The following NDST3 variants were observed in gnomAD, a reference collection of about 807,000 sequenced individuals.
NDST3 encodes the protein N-deacetylase and N-sulfotransferase 3.
NDST3 carries 58 observed loss-of-function variants against 96.1 expected under a neutral mutation model. That is an observed-to-expected ratio of 0.60 (90% CI 0.49 to 0.75). NDST3 has a LOEUF of 0.75. Among genes scored for constraint, NDST3 ranks in the 30% least tolerant of loss-of-function variants. NDST3 has a pLI of 0.00. For synonymous variants in NDST3, 333 were observed against 359.7 expected (o/e 0.93, Z 0.84); for missense variants, 788 against 1,034.2 (o/e 0.76, Z 3.27).
At chr4:118,061,605 A>T (rs1345134932) in intron 2 of NDST3, among the ~76,000 whole-genome samples, 3 of 152,158 alleles carry the variant, frequency 2.0e-5, no homozygotes, top group African/African-American at 7.2e-5. Context: ...GTGCAAAAAT[A>T]ATTGTGGTTT....
rs779122741 is a variant in NDST3, at chr4:118,054,974, G to A, written c.981+83G>A. On this transcript the variant is annotated intron_variant, in intron 2 of 13. Transcript: ENST00000296499. ...CTATCCCAGTTTGTACTACAACTGG[G>A]TTACCCAGGACATGGGATTTACTGG... is the stretch of plus-strand genomic sequence containing the variant. 16 of 1,556,502 alleles carry A rather than the reference G, an allele frequency of 1.0e-5. No homozygotes were observed. In the East Asian group the frequency reaches 3.4e-4, roughly 33 times the overall value.
At chr4:118,249,731 TACACACAC>T (rs60479821) in intron 12 of NDST3, among the ~76,000 whole-genome samples, 5 of 145,496 alleles carry the variant, frequency 3.4e-5, no homozygotes, top group African/African-American at 1.0e-4. Flanking sequence ...CAGCCCCACA[TACACACAC>T]ACACACACAC....
intron 6 of NDST3, among the ~76,000 whole-genome samples, chr4:118,145,264 T>G (rs1300354768): frequency 5.3e-5 from 8 of 152,216 alleles, no homozygotes; most frequent in African/African-American, 1.9e-4. Context: ...GTTAAAACAC[T>G]CTTAAAATGC....
chr4:118,095,447 T>C (rs1250242464), intron 2 of NDST3, among the ~76,000 whole-genome samples: 5 of 151,834 alleles, frequency 3.3e-5, no homozygotes, highest in Non-Finnish European at 7.4e-5. Context: ...GTAAAGAGCA[T>C]AGGACATGTA....
intron 6 of NDST3, among the ~76,000 whole-genome samples, chr4:118,144,183 C>T (rs1490002012): frequency 2.0e-5 from 3 of 151,054 alleles, no homozygotes; most frequent in Non-Finnish European, 4.4e-5. Context: ...ATTTAATGGG[C>T]TACTTTTTTT....
chr4:118,085,403 T>C (rs1471088048), intron 2 of NDST3, among the ~76,000 whole-genome samples: 17 of 152,258 alleles, frequency 1.1e-4, no homozygotes, highest in Non-Finnish European at 1.3e-4. Flanking sequence ...TTTATACAGA[T>C]ATTAAGAGAA....
At chr4:118,193,877 T>C in intron 6 of NDST3, 1 of 1,080,820 alleles carries the variant, frequency 9.3e-7, no homozygotes, top group Non-Finnish European at 1.4e-6. Context: ...ACTAGACTCA[T>C]ATTCTACCCA....
intron 6 of NDST3, among the ~76,000 whole-genome samples, chr4:118,173,411 T>A (rs1396659109): frequency 6.6e-6 from 1 of 152,134 alleles, no homozygotes; most frequent in Non-Finnish European, 1.5e-5. Flanking sequence ...TTGGTCACAC[T>A]TCTTAGTCTG....
intron 6 of NDST3, among the ~76,000 whole-genome samples, chr4:118,223,421 T>G (rs527299668): frequency 2.6e-5 from 4 of 152,064 alleles, no homozygotes; most frequent in Non-Finnish European, 5.9e-5. Context: ...ACAGCTATTT[T>G]AAATCACTCA....
rs748178942 is a variant in NDST3 at position 118,054,693 on chromosome 4, G to C, written c.783G>C (p.Leu261=). 2 of 1,613,296 alleles carry C rather than the reference G, an allele frequency of 1.2e-6. No individual in the cohort carries two copies. The highest frequency in any genetic ancestry group is 2.2e-5 in the South Asian group (2 of 91,064). The change falls in exon 2 of 14, where the codon CTG becomes CTC. Residue 261 remains leucine, a synonymous_variant. Coordinates refer to ENST00000296499, the MANE Select transcript of NDST3 (RefSeq NM_004784.3). The part of the protein sequence containing the change: ...GAFYATIIHD[L]GLHDGIQRVL... ...TTTATGCCACTATTATACATGACCT[G>C]GGGCTTCATGATGGAATTCAAAGGG...
Position 118,256,766 on chromosome 4 carries a change from T to A in NDST3, c.*1054T>A, listed in dbSNP as rs1322441229. ...GTGGTTAGGCTATTTACATTTAGGT[T>A]ATTAAAAAATTGCATTTTCCCAGAT... On this transcript the variant is annotated 3_prime_UTR_variant, in exon 14 of 14. Coordinates refer to ENST00000296499, the MANE Select transcript of NDST3 (RefSeq NM_004784.3). The A allele has an allele frequency of 1.3e-5, 2 of 152,232 alleles. No homozygotes were observed. The highest frequency in any genetic ancestry group is 2.4e-5 in the African/African-American group (1 of 41,466). 9.4% of individuals were successfully genotyped at this position (152,232 alleles called of 1,614,324 possible). A position where few individuals can be genotyped will look rare whatever the true frequency, so the allele number is the denominator to read the frequency against.
chr4:118,237,611 T>C (rs72917198), intron 10 of NDST3, among the ~76,000 whole-genome samples: 1,824 of 152,296 alleles, frequency 0.012, 34 homozygotes, highest in African/African-American at 0.042. Context: ...AGTTCAGACA[T>C]TGAGGTTTAT....
At chr4:118,185,647 T>C (rs1164370820) in intron 6 of NDST3, among the ~76,000 whole-genome samples, 1 of 152,110 alleles carries the variant, frequency 6.6e-6, no homozygotes, top group Non-Finnish European at 1.5e-5. Flanking sequence ...TGAAGATTTA[T>C]GGACAGAAAA....
rs1286809097 is a variant in NDST3, at chr4:118,178,442, T to C, written c.1539+34758T>C. On this transcript the variant is annotated intron_variant, in intron 6 of 13. Transcript: ENST00000296499. Reference sequence around the variant, plus strand: ...GTGGAACCAAACAGTATTTTTCTTATTGTTACTGGCTTATTTCACTTAGCA... The same window carrying C: ...GTGGAACCAAACAGTATTTTTCTTACTGTTACTGGCTTATTTCACTTAGCA... 3.3e-5 allele frequency among the ~76,000 whole-genome samples: 5 copies of C among 152,196 alleles called. No homozygotes were observed. The East Asian group carries it at 7.7e-4, about 23-fold the overall frequency.
chr4:118,101,317 C>G (rs1335173871), intron 2 of NDST3, among the ~76,000 whole-genome samples: 2 of 147,726 alleles, frequency 1.4e-5, no homozygotes, highest in Non-Finnish European at 3.0e-5. Context: ...TTGTCTTCAA[C>G]TAGATATTTT....
In NDST3 at chr4:118,257,955, T is replaced by C. The variant is rs1192051413; in HGVS notation, c.*2243T>C. On this transcript the variant is annotated 3_prime_UTR_variant, in exon 14 of 14. Transcript: ENST00000296499. ...ACATGAGAATAGGCCTCAGCAGTTA[T>C]ATACAGTGTCATGTTTTCATTTGGC... 2 of 152,212 alleles carry C rather than the reference T, an allele frequency of 1.3e-5. No individual in the cohort carries two copies. Among genetic ancestry groups the C allele is most frequent in the Non-Finnish European group, 2.9e-5 (2 of 68,036 alleles). 9.4% of individuals were successfully genotyped at this position (152,212 alleles called of 1,614,324 possible). A position where few individuals can be genotyped will look rare whatever the true frequency, so the allele number is the denominator to read the frequency against.
Position 118,253,592 on chromosome 4 carries a change from G to A in NDST3, c.2493G>A (p.Met831Ile). ...GKSKGRKYPP[M>I]DSDSRTFLSS... ...GCAAAGGAAGAAAATACCCTCCAAT[G>A]GATTCTGATGTAAGCATAGACCTTA... The change falls in exon 13 of 14, where the codon ATG becomes ATA. Residue 831 changes from methionine to isoleucine, a missense_variant. Physicochemically the swap from Met to Ile is conservative, Grantham distance 10. This residue lies in a region of NDST3 where 64 missense variants were observed against 68.5 expected (regional missense o/e 0.93). Coordinates refer to ENST00000296499, the MANE Select transcript of NDST3 (RefSeq NM_004784.3). 6.2e-7 allele frequency: 1 copy of A among 1,605,358 alleles called. No individual in the cohort carries two copies. Among genetic ancestry groups the A allele is most frequent in the Non-Finnish European group, 8.5e-7 (1 of 1,173,310 alleles).
chr4:118,061,813 A>G (rs762675253), intron 2 of NDST3, among the ~76,000 whole-genome samples: 1 of 152,228 alleles, frequency 6.6e-6, no homozygotes, highest in Non-Finnish European at 1.5e-5. Flanking sequence ...CAGCTGAATT[A>G]AATTTAAAGG....
intron 2 of NDST3, among the ~76,000 whole-genome samples, chr4:118,074,680 G>T (rs1727353859): frequency 6.6e-6 from 1 of 152,090 alleles, no homozygotes; most frequent in African/African-American, 2.4e-5. Flanking sequence ...GTTGGGTCTT[G>T]CTTCTTTATC....
Sources: allele counts gnomAD v4.1 joint callset (sites outside exome capture counted in the v4.1 genomes callset), GRCh38; gene constraint gnomAD v4.1.1; regional missense constraint gnomAD v4.1.1; transcripts MANE v1.5; gene names NCBI Gene and HGNC (gene_info 2026-07-23, HGNC 2026-07-21).